DNAH7: variants seen among roughly 807,000 people sequenced by gnomAD.
DNAH7 encodes the protein axonemal beta dynein heavy chain 7.
A neutral mutation model predicts 444.6 loss-of-function variants in DNAH7; 397 were observed. The observed-to-expected ratio is 0.89, with a 90% CI of 0.82 to 0.97. The LOEUF (loss-of-function observed/expected upper bound fraction) is 0.97. Ranked by LOEUF, DNAH7 falls within the 50% of genes least tolerant of loss-of-function variation. DNAH7 has a pLI of 0.00. For missense variants in DNAH7, 4,902 were observed against 4,800.8 expected, an observed-to-expected ratio of 1.02 and a Z score of -0.62; for synonymous variants, 1,636 against 1,624.4, an observed-to-expected ratio of 1.01 and a Z score of -0.17.
intron 5 of DNAH7, among the ~76,000 whole-genome samples, chr2:196,040,733 A>G (rs983723113): frequency 2.0e-5 from 3 of 152,112 alleles, no homozygotes; most frequent in African/African-American, 7.2e-5. Context: ...GCAATTACAC[A>G]AGATAAAGAA....
At position 195,987,178 on chromosome 2, in the gene DNAH7, T is replaced by A; in HGVS notation, c.1642A>T (p.Met548Leu). The change falls in exon 14 of 65, where the codon ATG becomes TTG. Residue 548 changes from methionine to leucine, a missense_variant. Physicochemically the swap from Met to Leu is conservative, Grantham distance 15. Coordinates refer to ENST00000312428, the MANE Select transcript of DNAH7 (RefSeq NM_018897.3). Reference sequence around the variant, plus strand: ...AATTCCTCACAGTGCATTTCAAACATTCCTAAACGAATAGTCTGCAAAAGA... The same window carrying A: ...AATTCCTCACAGTGCATTTCAAACAATCCTAAACGAATAGTCTGCAAAAGA... The part of the protein sequence containing the change: ...YTSIKTIRLG[M>L]FEMHCEELIR... 1 of 1,594,868 alleles carries A rather than the reference T, an allele frequency of 6.3e-7. No homozygotes were observed. Among genetic ancestry groups the A allele is most frequent in the Non-Finnish European group, 8.5e-7 (1 of 1,171,960 alleles).
intron 63 of DNAH7, 53 bp downstream of exon 63, chr2:195,754,284 T>G (rs1693959283): frequency 6.6e-7 from 1 of 1,512,990 alleles, no homozygotes; most frequent in Non-Finnish European, 9.0e-7. Flanking sequence ...TAGAATGTCA[T>G]GTTTTTGTTC....
intron 14 of DNAH7, among the ~76,000 whole-genome samples, chr2:195,985,698 C>A (rs893072230): frequency 2.0e-5 from 3 of 152,158 alleles, no homozygotes; most frequent in Non-Finnish European, 2.9e-5. Context: ...AAAAGTAGAA[C>A]TGGCACAAGC....
chr2:195,753,808 A>G (rs80141277), intron 63 of DNAH7, among the ~76,000 whole-genome samples: 384 of 152,296 alleles, frequency 2.5e-3, no homozygotes, highest in Non-Finnish European at 4.5e-3. Flanking sequence ...ACCACAGAGC[A>G]AATGTTTCTA....
chr2:195,885,082 T>G (rs1701632784), intron 34 of DNAH7, among the ~76,000 whole-genome samples: 1 of 152,158 alleles, frequency 6.6e-6, no homozygotes, highest in African/African-American at 2.4e-5. Context: ...ATCTCACATT[T>G]TCAACACATG....
intron 46 of DNAH7, among the ~76,000 whole-genome samples, chr2:195,852,203 AG>A (rs1174453386): frequency 6.6e-6 from 1 of 152,150 alleles, no homozygotes; most frequent in East Asian, 1.9e-4. Context: ...GCTTGCAGAG[AG>A]CCGAGATCGC....
intron 58 of DNAH7, among the ~76,000 whole-genome samples, chr2:195,782,780 CT>C (rs1695450210): frequency 6.6e-6 from 1 of 152,152 alleles, no homozygotes; most frequent in South Asian, 2.1e-4. Context: ...CTCGCTCCTG[CT>C]TTTTTTCCTG....
chr2:196,021,362 GA>G (rs1695370430), intron 8 of DNAH7, among the ~76,000 whole-genome samples: 1 of 152,158 alleles, frequency 6.6e-6, no homozygotes, highest in South Asian at 2.1e-4. Context: ...TAGTTGTATA[GA>G]GGCTTGCAAT....
intron 29 of DNAH7, 39 bp from the exon 30 acceptor site, chr2:195,895,263 T>A: frequency 1.5e-6 from 2 of 1,347,370 alleles, no homozygotes; most frequent in Non-Finnish European, 2.0e-6. Context: ...ATTTTATATA[T>A]TTATATTAAA....
intron 40 of DNAH7, 73 bp from the exon 41 acceptor site, chr2:195,865,094 A>C (rs116826966): frequency 1.4e-6 from 2 of 1,403,342 alleles, no homozygotes; most frequent in African/African-American, 2.9e-5. Context: ...TATCTGTGCT[A>C]ATCTCAGGTA....
chr2:195,759,030 GGCAT>G (rs1264355428), intron 61 of DNAH7, among the ~76,000 whole-genome samples: 2 of 152,172 alleles, frequency 1.3e-5, no homozygotes, highest in Non-Finnish European at 2.9e-5. Flanking sequence ...GCTTGCGGGG[GGCAT>G]GCCATCTAGT....
At chr2:195,999,275 T>G (rs926385383) in intron 12 of DNAH7, 3 of 709,094 alleles carry the variant, frequency 4.2e-6, no homozygotes, top group Non-Finnish European at 7.9e-6. Flanking sequence ...ATGGTTGCCT[T>G]AAGAATTTGT....
At position 195,777,909 on chromosome 2, in the gene DNAH7, C is replaced by T. The variant is rs199602273; in HGVS notation, c.10955G>A (p.Arg3652Gln). 19 of 1,614,104 alleles carry T rather than the reference C, an allele frequency of 1.2e-5. No homozygotes were observed. The highest frequency in any genetic ancestry group is 4.0e-5 in the African/African-American group (3 of 75,044). ...GTTTAGAATGCTGCGCAGCGTGCGCCGGTCCCAGTCATCGGTCACTCTGCC... is the reference window on the plus strand; with the variant it reads ...GTTTAGAATGCTGCGCAGCGTGCGCTGGTCCCAGTCATCGGTCACTCTGCC... ...YGGRVTDDWD[R>Q]RTLRSILNKF... is the part of the protein sequence containing the mutation. The change falls in exon 59 of 65, where the codon CGG becomes CAG. Residue 3652 changes from arginine (R) to glutamine (Q), a missense_variant. By Grantham distance (43) the Arg-to-Gln change is conservative (BLOSUM62 1). Transcript: ENST00000312428.
chr2:195,998,331 T>C (rs1693825775), intron 12 of DNAH7, among the ~76,000 whole-genome samples: 1 of 152,152 alleles, frequency 6.6e-6, no homozygotes, highest in African/African-American at 2.4e-5. Flanking sequence ...TCCCAGCACT[T>C]TGGGAGGCAG....
At chr2:195,949,640 T>C (rs888654223) in intron 19 of DNAH7, among the ~76,000 whole-genome samples, 15 of 152,144 alleles carry the variant, frequency 9.9e-5, no homozygotes, top group Non-Finnish European at 1.3e-4. Flanking sequence ...CAATACTATG[T>C]TGAATAGGAG....
chr2:195,781,184 T>C (rs1403900148), intron 58 of DNAH7, among the ~76,000 whole-genome samples: 1 of 152,164 alleles, frequency 6.6e-6, no homozygotes, highest in Admixed American at 6.5e-5. Flanking sequence ...GCTTGCGCTG[T>C]TGACAGGCCC....
intron 46 of DNAH7, among the ~76,000 whole-genome samples, chr2:195,849,852 C>T (rs894740989): frequency 6.6e-6 from 1 of 152,174 alleles, no homozygotes; most frequent in Non-Finnish European, 1.5e-5. Context: ...ATCGGCACAC[C>T]TCAGCCTCCC....
chr2:195,952,715 A>G (rs772875307), intron 19 of DNAH7, among the ~76,000 whole-genome samples: 3 of 151,696 alleles, frequency 2.0e-5, no homozygotes, highest in Non-Finnish European at 2.9e-5. Context: ...CTTCTACTAG[A>G]TCAATTTGGC....
chr2:195,877,409 G>GT (rs1701125798), intron 36 of DNAH7, among the ~76,000 whole-genome samples: 1 of 152,156 alleles, frequency 6.6e-6, no homozygotes. Context: ...AAACGGTAAA[G>GT]TTTTTTGACT....
Sources: allele counts gnomAD v4.1 joint callset (sites outside exome capture counted in the v4.1 genomes callset), GRCh38; gene constraint gnomAD v4.1.1; transcripts MANE v1.5; gene names NCBI Gene and HGNC (gene_info 2026-07-23, HGNC 2026-07-21).